The following COL25A1 variants were observed in gnomAD, a reference collection of about 807,000 sequenced individuals.
The protein encoded by COL25A1 is collagen alpha-1(XXV) chain.
Under a neutral mutation model 128.4 loss-of-function variants are expected in COL25A1, and 103 were observed. The observed-to-expected ratio is 0.80, with a 90% CI of 0.68 to 0.94. The LOEUF is 0.94. Ranked by LOEUF, COL25A1 falls within the 40% of genes least tolerant of loss-of-function variation. The pLI, the probability that COL25A1 is intolerant of heterozygous loss-of-function variation, is 0.00. For synonymous variants in COL25A1, 279 were observed against 277.2 expected (o/e 1.01, Z -0.06); for missense variants, 745 against 840.0 (o/e 0.89, Z 1.40).
At chr4:108,873,637 G>A (rs1456295033) in intron 19 of COL25A1, among the ~76,000 whole-genome samples, 3 of 151,864 alleles carry the variant, frequency 2.0e-5, no homozygotes, top group African/African-American at 7.3e-5. Context: ...AATATACAAA[G>A]TGTCTTCTTG....
At chr4:109,242,991 AT>A (rs926784507) in intron 3 of COL25A1, among the ~76,000 whole-genome samples, 1 of 152,104 alleles carries the variant, frequency 6.6e-6, no homozygotes, top group African/African-American at 2.4e-5. Context: ...CATGCTGGAC[AT>A]TATATCTCCA....
chr4:108,889,596 C>G (rs1741247946), intron 17 of COL25A1, 105 bp downstream of exon 17: 4 of 952,098 alleles, frequency 4.2e-6, no homozygotes, highest in Middle Eastern at 2.4e-4. Flanking sequence ...AGAATAAGAA[C>G]AGAGTTATAA....
At chr4:109,249,868 ATAT>A (rs2126241429) in intron 3 of COL25A1, among the ~76,000 whole-genome samples, 1 of 152,320 alleles carries the variant, frequency 6.6e-6, no homozygotes, top group Admixed American at 6.5e-5. Flanking sequence ...TAAATAATCT[ATAT>A]TATTATACTT....
intron 3 of COL25A1, among the ~76,000 whole-genome samples, chr4:109,247,264 G>A (rs1308636979): frequency 1.3e-5 from 2 of 152,040 alleles, no homozygotes; most frequent in Non-Finnish European, 2.9e-5. Flanking sequence ...GCAGGAGAAT[G>A]GCTTGAACCC....
intron 31 of COL25A1, chr4:108,838,310 G>A (rs1734041311): frequency 1.2e-5 from 8 of 645,642 alleles, no homozygotes. Context: ...GATTTGTCTT[G>A]CACGAAACAT....
At chr4:108,887,289 C>T (rs530551661) in intron 18 of COL25A1, among the ~76,000 whole-genome samples, 25 of 152,246 alleles carry the variant, frequency 1.6e-4, no homozygotes, top group Admixed American at 1.5e-3. Flanking sequence ...GCCTAAGCGC[C>T]AATGAACCCC....
intron 3 of COL25A1, among the ~76,000 whole-genome samples, chr4:109,106,821 G>A (rs940348244): frequency 1.3e-5 from 2 of 152,180 alleles, no homozygotes; most frequent in East Asian, 3.9e-4. Context: ...AGCATGAAGT[G>A]CAGTGGCACA....
At chr4:108,871,187 T>A in intron 19 of COL25A1, among the ~76,000 whole-genome samples, 1 of 152,210 alleles carries the variant, frequency 6.6e-6, no homozygotes, top group East Asian at 1.9e-4. Flanking sequence ...TTCTTTTTTT[T>A]ATGTGCTAGC....
At chr4:109,275,716 A>G (rs557578972) in intron 3 of COL25A1, among the ~76,000 whole-genome samples, 55 of 152,308 alleles carry the variant, frequency 3.6e-4, no homozygotes, top group African/African-American at 1.3e-3. Context: ...GACTATTCCT[A>G]TTTGACCCCA....
At position 108,874,473 on chromosome 4, in the gene COL25A1, T is replaced by TA. The variant is rs398107818; in HGVS notation, c.1021-5324dup. ...AAAAATAAATCCAGAGGGTTTTTTT[T>TA]ATTTTTCTTTTTTACTGGGCAATTA... On this transcript the variant is annotated intron_variant, in intron 19 of 37. Coordinates refer to ENST00000399132, the MANE Select transcript of COL25A1 (RefSeq NM_198721.4). Among the ~76,000 whole-genome samples, 9 of 152,132 alleles carry TA rather than the reference T, an allele frequency of 5.9e-5. No individual in the cohort carries two copies. The South Asian group carries it at 1.5e-3, about 25-fold the overall frequency.
intron 5 of COL25A1, among the ~76,000 whole-genome samples, chr4:109,016,642 A>C (rs1190040717): frequency 1.3e-5 from 2 of 152,258 alleles, no homozygotes; most frequent in Non-Finnish European, 2.9e-5. Context: ...ACCTGCAGAA[A>C]GGAGCTACCA....
chr4:109,016,432 T>C (rs1757223530), intron 5 of COL25A1, among the ~76,000 whole-genome samples: 1 of 152,172 alleles, frequency 6.6e-6, no homozygotes. Context: ...GGCAGACAGA[T>C]TCCTAGGCGG....
At chr4:108,819,379 A>T (rs776471790) in intron 35 of COL25A1, 50 bp from the exon 36 acceptor site, 2 of 1,472,750 alleles carry the variant, frequency 1.4e-6, no homozygotes, top group East Asian at 4.6e-5. Context: ...AAATCACTTA[A>T]GCACAAATTC....
chr4:109,197,488 ATATATAAATATATAT>A (rs908066178), intron 3 of COL25A1, among the ~76,000 whole-genome samples: 1 of 127,330 alleles, frequency 7.9e-6, no homozygotes, highest in African/African-American at 3.0e-5. Flanking sequence ...ATTATATATT[ATATATAAATATATAT>A]TATATAATAT....
At chr4:109,139,958 A>C (rs902531525) in intron 3 of COL25A1, among the ~76,000 whole-genome samples, 2 of 152,108 alleles carry the variant, frequency 1.3e-5, no homozygotes, top group Admixed American at 1.3e-4. Flanking sequence ...TTTGCCGAGA[A>C]TGATGGTTTC....
chr4:108,975,780 T>C (rs1752372357), intron 6 of COL25A1, among the ~76,000 whole-genome samples: 1 of 152,202 alleles, frequency 6.6e-6, no homozygotes, highest in East Asian at 1.9e-4. Flanking sequence ...TCCCTTTTAA[T>C]ATACTTATTG....
At chr4:109,262,422 G>A (rs901928519) in intron 3 of COL25A1, among the ~76,000 whole-genome samples, 2 of 152,106 alleles carry the variant, frequency 1.3e-5, no homozygotes, top group East Asian at 3.9e-4. Flanking sequence ...GCTGAGGCAG[G>A]AGAATCACTT....
At position 108,941,454 on chromosome 4, in the gene COL25A1, G is replaced by T; in HGVS notation, c.493-17C>A. 6.2e-7 allele frequency: 1 copy of T among 1,606,636 alleles called. No individual in the cohort carries two copies. Among genetic ancestry groups the T allele is most frequent in the East Asian group, 2.2e-5 (1 of 44,802 alleles). On this transcript the variant is annotated splice_polypyrimidine_tract_variant and intron_variant, in intron 8 of 37. Coordinates refer to ENST00000399132, the MANE Select transcript of COL25A1 (RefSeq NM_198721.4). The stretch of plus-strand genomic sequence containing the variant: ...AAACACCATCTGATCAGTCAGTTGA[G>T]GTCAAAGGTTGAAGTTCAGAGATGA...
intron 26 of COL25A1, among the ~76,000 whole-genome samples, chr4:108,849,812 A>C (rs1244582825): frequency 1.3e-5 from 2 of 152,202 alleles, no homozygotes; most frequent in African/African-American, 4.8e-5. Context: ...ATAAACCACA[A>C]TATTGAAATG....
Sources: gnomAD v4.1 joint callset for allele counts (sites outside exome capture counted in the v4.1 genomes callset) on GRCh38, gnomAD v4.1.1 for gene constraint, MANE v1.5 for transcripts, NCBI Gene and HGNC (gene_info 2026-07-23, HGNC 2026-07-21) for gene names.